SLC25A37: variants seen among roughly 807,000 people sequenced by gnomAD.
SLC25A37 encodes the protein solute carrier family 25 member 37.
A neutral mutation model predicts 31.0 loss-of-function variants in SLC25A37; 17 were observed. That is an observed-to-expected ratio of 0.55 (90% CI 0.38 to 0.82). The LOEUF (loss-of-function observed/expected upper bound fraction) is 0.82. Ranked by LOEUF, SLC25A37 falls within the 40% of genes least tolerant of loss-of-function variation. The probability of loss-of-function intolerance (pLI) is 0.00; values close to 1 mark genes in which losing one functional copy is unlikely to be tolerated. For synonymous variants in SLC25A37, 222 were observed against 193.0 expected (o/e 1.15, Z -1.24); for missense variants, 404 against 465.8 (o/e 0.87, Z 1.22).
Position 23,571,455 on chromosome 8 carries a change from C to T in SLC25A37, c.617C>T (p.Thr206Ile), listed in dbSNP as rs765943057. The change falls in exon 4 of 4, where the codon ACC becomes ATC. Residue 206 changes from threonine (T) to isoleucine (I), a missense_variant. Thr to Ile is a moderately conservative substitution (Grantham distance 89). This residue lies in a region of SLC25A37 where 243 missense variants were observed against 284.4 expected (regional missense o/e 0.85). Coordinates refer to ENST00000519973, the MANE Select transcript of SLC25A37 (RefSeq NM_016612.4). ...AFYRSYTTQL[T>I]MNIPFQSIHF... Reference sequence around the variant, plus strand: ...TACCGGAGCTACACCACGCAGCTGACCATGAACATCCCCTTCCAGTCCATC... The same window carrying T: ...TACCGGAGCTACACCACGCAGCTGATCATGAACATCCCCTTCCAGTCCATC... 2 of 1,613,898 alleles carry T rather than the reference C, an allele frequency of 1.2e-6. No homozygotes were observed. Among genetic ancestry groups the T allele is most frequent in the Admixed American group, 1.7e-5 (1 of 60,006 alleles).
At chr8:23,550,585 C>T (rs950523679) in intron 1 of SLC25A37, among the ~76,000 whole-genome samples, 1 of 152,260 alleles carries the variant, frequency 6.6e-6, no homozygotes, top group East Asian at 1.9e-4. Context: ...GCATGGGTTT[C>T]TGAGGTGCCT....
intron 1 of SLC25A37, among the ~76,000 whole-genome samples, chr8:23,545,796 C>T (rs564337184): frequency 1.3e-5 from 2 of 151,638 alleles, no homozygotes; most frequent in Admixed American, 6.6e-5. Flanking sequence ...GACAGCAGTT[C>T]GAGACCAGCC....
At chr8:23,558,741 ACACTG>A (rs1802432254) in intron 1 of SLC25A37, among the ~76,000 whole-genome samples, 1 of 152,164 alleles carries the variant, frequency 6.6e-6, no homozygotes, top group Admixed American at 6.6e-5. Flanking sequence ...TGCTCAGGTC[ACACTG>A]GGAGTGGCAG....
chr8:23,562,646 G>T (rs62503328), intron 1 of SLC25A37, among the ~76,000 whole-genome samples: 1 of 152,128 alleles, frequency 6.6e-6, no homozygotes, highest in African/African-American at 2.4e-5. Flanking sequence ...ATGAATCACC[G>T]TCATGTAGCC....
At chr8:23,534,484 C>T (rs1801724551) in intron 1 of SLC25A37, among the ~76,000 whole-genome samples, 2 of 152,188 alleles carry the variant, frequency 1.3e-5, no homozygotes, top group South Asian at 2.1e-4. Context: ...TTGCTTCTTT[C>T]CCACTTCTCT....
In SLC25A37 at chr8:23,534,378, C is replaced by G. The variant is rs1348641170; in HGVS notation, c.210+5166C>G. Among the ~76,000 whole-genome samples, 3 of 152,328 alleles carry G rather than the reference C, an allele frequency of 2.0e-5. No homozygotes were observed. The South Asian group carries it at 6.2e-4, about 32-fold the overall frequency. ...GGTTCAAATTCCAGTCTTTGACTTA[C>G]TGGTTGGGCAGGACACTTAGCTTCT... On this transcript the variant is annotated intron_variant, in intron 1 of 3. Coordinates refer to ENST00000519973, the MANE Select transcript of SLC25A37 (RefSeq NM_016612.4).
At position 23,568,318 on chromosome 8, in the gene SLC25A37, G is replaced by A; in HGVS notation, c.440-4G>A. ...AGGGTAATTTTCTGGAGTTTGTTTT[G>A]CAGGGATAGCTGGGAGTATGGCCAC... On this transcript the variant is annotated splice_region_variant and splice_polypyrimidine_tract_variant and intron_variant, in intron 2 of 3. Coordinates refer to ENST00000519973, the MANE Select transcript of SLC25A37 (RefSeq NM_016612.4). 6.2e-7 allele frequency: 1 copy of A among 1,613,844 alleles called. No individual in the cohort carries two copies. Among genetic ancestry groups the A allele is most frequent in the Non-Finnish European group, 8.5e-7 (1 of 1,179,836 alleles).
chr8:23,552,391 T>C (rs1802250660), intron 1 of SLC25A37, among the ~76,000 whole-genome samples: 1 of 152,176 alleles, frequency 6.6e-6, no homozygotes, highest in African/African-American at 2.4e-5. Flanking sequence ...TTCATATAGC[T>C]GAAAAATAGA....
In SLC25A37 at chr8:23,571,329, CCA is replaced by C. The variant is rs1451363334; in HGVS notation, c.497-3_497-2del. On this transcript the variant is annotated splice_region_variant and splice_polypyrimidine_tract_variant and intron_variant, in intron 3 of 3. Transcript: ENST00000519973. ...CGTCTGGCCTGCCCCGCGGTTCCAACCACAGTGGTGAAGCAGCGCTTGCAGAT... is the reference window on the plus strand; with the variant it reads ...CGTCTGGCCTGCCCCGCGGTTCCAACCAGTGGTGAAGCAGCGCTTGCAGAT... The C allele has an allele frequency of 4.5e-6, 7 of 1,565,178 alleles. No individual in the cohort carries two copies. The East Asian group carries it at 1.6e-4, about 36-fold the overall frequency.
chr8:23,567,519 TG>T, intron 2 of SLC25A37: 1 of 153,128 alleles, frequency 6.5e-6, no homozygotes, highest in Non-Finnish European at 1.5e-5. Context: ...GTGATCTTGC[TG>T]GGAATGATTA....
chr8:23,552,840 A>G (rs1364998433), intron 1 of SLC25A37, among the ~76,000 whole-genome samples: 1 of 152,256 alleles, frequency 6.6e-6, no homozygotes, highest in Non-Finnish European at 1.5e-5. Flanking sequence ...CACTGGCAGA[A>G]CAAAGTTGGG....
intron 1 of SLC25A37, among the ~76,000 whole-genome samples, chr8:23,556,168 G>A (rs2117432050): frequency 6.6e-6 from 1 of 151,480 alleles, no homozygotes; most frequent in South Asian, 2.1e-4. Context: ...TGAAGTGGGG[G>A]CAATGACTAC....
At chr8:23,542,057 C>T (rs1464661553) in intron 1 of SLC25A37, among the ~76,000 whole-genome samples, 1 of 152,214 alleles carries the variant, frequency 6.6e-6, no homozygotes, top group African/African-American at 2.4e-5. Context: ...TCATCCCCTG[C>T]CCTTCATTGA....
At chr8:23,530,128 A>G (rs1162048528) in intron 1 of SLC25A37, among the ~76,000 whole-genome samples, 3 of 152,274 alleles carry the variant, frequency 2.0e-5, no homozygotes, top group Non-Finnish European at 2.9e-5. Context: ...GCCAGTATTG[A>G]CTGTTACACG....
Position 23,568,367 on chromosome 8 carries a change from A to C in SLC25A37, c.485A>C (p.Asn162Thr), listed in dbSNP as rs577860371. Residue 162 changes from asparagine (N) to threonine (T), a missense_variant, in exon 3 of 4, where the codon AAT (asparagine) becomes ACT (threonine). Asn to Thr is a moderately conservative substitution (Grantham distance 65). Transcript: ENST00000519973. ...ACCCTGCTCCACGATGCGGTAATGA[A>C]TCCAGCAGAAGGTAATGTTTCATGG... ...MATLLHDAVMNPAEVVKQRLQ... is the reference protein window; with the variant it reads ...MATLLHDAVMTPAEVVKQRLQ... The C allele has an allele frequency of 6.2e-7, 1 of 1,613,930 alleles. No individual in the cohort carries two copies. The highest frequency in any genetic ancestry group is 1.3e-5 in the African/African-American group (1 of 75,024).
At chr8:23,544,526 A>C (rs1240960391) in intron 1 of SLC25A37, among the ~76,000 whole-genome samples, 1 of 152,194 alleles carries the variant, frequency 6.6e-6, no homozygotes, top group Non-Finnish European at 1.5e-5. Flanking sequence ...TGTGGCAGGA[A>C]GGACAGATCT....
In SLC25A37 at chr8:23,546,610, G is replaced by A. The variant is rs868512213; in HGVS notation, c.210+17398G>A. ...GTATATATATATAGTGTATGTGTGT[G>A]TGTGTGTGTGTATATATATATATAT... On this transcript the variant is annotated intron_variant, in intron 1 of 3. Transcript: ENST00000519973. Among the ~76,000 whole-genome samples the A allele has an allele frequency of 1.7e-3, 159 of 93,170 alleles. 10 individuals carry two copies. The East Asian group carries it at 0.025, about 15-fold the overall frequency. The allele number at this position is 93,170 out of a possible 152,430, so 61.1% of individuals were successfully genotyped here.
intron 1 of SLC25A37, among the ~76,000 whole-genome samples, chr8:23,548,306 G>A (rs529870896): frequency 1.3e-5 from 2 of 152,246 alleles, no homozygotes; most frequent in Non-Finnish European, 2.9e-5. Context: ...AGCCTCCTGA[G>A]TAGCTGGGAC....
At chr8:23,543,916 A>C (rs1490972527) in intron 1 of SLC25A37, among the ~76,000 whole-genome samples, 1 of 151,970 alleles carries the variant, frequency 6.6e-6, no homozygotes, top group Non-Finnish European at 1.5e-5. Context: ...GCTGGAATGC[A>C]GTGGCAGAAT....
Sources: allele counts gnomAD v4.1 joint callset (sites outside exome capture counted in the v4.1 genomes callset), GRCh38; gene constraint gnomAD v4.1.1; regional missense constraint gnomAD v4.1.1; transcripts MANE v1.5; gene names NCBI Gene and HGNC (gene_info 2026-07-23, HGNC 2026-07-21).